BZW2: variants seen among roughly 807,000 people sequenced by gnomAD.
BZW2 encodes the protein eIF5-mimic protein 1.
In BZW2, 23 loss-of-function variants were observed where a neutral mutation model predicts 53.2. The ratio of observed to expected loss-of-function variants is 0.43; its 90% CI spans 0.31 to 0.61. The LOEUF (loss-of-function observed/expected upper bound fraction) is 0.61, where lower values mean the gene tolerates loss of function less well. BZW2 is among the 20% of genes least tolerant of loss of function. The pLI, the probability that BZW2 is intolerant of heterozygous loss-of-function variation, is 0.09. For missense variants in BZW2, 409 were observed against 503.1 expected, an observed-to-expected ratio of 0.81 and a Z score of 1.79; for synonymous variants, 227 against 186.4, an observed-to-expected ratio of 1.22 and a Z score of -1.77.
chr7:16,652,011 A>C (rs1174524723), intron 1 of BZW2, among the ~76,000 whole-genome samples: 2 of 152,192 alleles, frequency 1.3e-5, no homozygotes, highest in Non-Finnish European at 2.9e-5. Context: ...TGGAAAATGC[A>C]CTGAGTGGAG....
At chr7:16,665,569 T>G (rs1307554771) in intron 2 of BZW2, 68 bp downstream of exon 2, 1 of 1,577,748 alleles carries the variant, frequency 6.3e-7, no homozygotes, top group Non-Finnish European at 8.6e-7. Context: ...GAGAAGAATC[T>G]GAATGATCCC....
At chr7:16,696,253 AG>A in intron 8 of BZW2, among the ~76,000 whole-genome samples, 1 of 152,234 alleles carries the variant, frequency 6.6e-6, no homozygotes, top group Non-Finnish European at 1.5e-5. Context: ...AAAAGGAAAA[AG>A]CCTTTCAAAT....
chr7:16,681,228 G>C (rs1252258064), intron 3 of BZW2, 73 bp from the exon 4 acceptor site: 1 of 1,169,754 alleles, frequency 8.5e-7, no homozygotes, highest in African/African-American at 1.5e-5. Flanking sequence ...TCATTTGCCA[G>C]AATTGATGTG....
intron 6 of BZW2, among the ~76,000 whole-genome samples, chr7:16,687,721 A>G (rs7777674): frequency 0.012 from 1,898 of 152,182 alleles, 47 homozygotes; most frequent in African/African-American, 0.043. Context: ...ACTATCTAAA[A>G]TAAAAAAAAA....
chr7:16,655,480 T>C (rs1475870968), intron 1 of BZW2, among the ~76,000 whole-genome samples: 1 of 152,190 alleles, frequency 6.6e-6, no homozygotes, highest in Non-Finnish European at 1.5e-5. Flanking sequence ...TCAGGGTGAT[T>C]AGCATATTCA....
Position 16,706,266 on chromosome 7 carries a change from C to T in BZW2, c.*178C>T, listed in dbSNP as rs1783856031. ...TTTTGTTTTGTTTTTAAATGGAGCC[C>T]TGAGGCATCAGCTATTATACTTGGG... On this transcript the variant is annotated 3_prime_UTR_variant, in exon 12 of 12. Transcript: ENST00000258761. The T allele has an allele frequency of 1.6e-6, 1 of 642,054 alleles. No individual in the cohort carries two copies. The highest frequency in any genetic ancestry group is 2.1e-5 in the South Asian group (1 of 48,436). The allele number at this position is 642,054 out of a possible 1,614,324, so 39.8% of individuals were successfully genotyped here. A position where few individuals can be genotyped will look rare whatever the true frequency, so the allele number is the denominator to read the frequency against.
At chr7:16,667,858 A>G (rs1562481356) in intron 2 of BZW2, among the ~76,000 whole-genome samples, 1 of 152,188 alleles carries the variant, frequency 6.6e-6, no homozygotes, top group East Asian at 1.9e-4. Flanking sequence ...TTTAGTCCTC[A>G]TCTTACTCTT....
intron 1 of BZW2, among the ~76,000 whole-genome samples, chr7:16,652,561 G>T (rs922966799): frequency 6.6e-6 from 1 of 152,170 alleles, no homozygotes; most frequent in Non-Finnish European, 1.5e-5. Flanking sequence ...TTGTTGCCCA[G>T]TCTGGAGTGC....
At chr7:16,698,312 G>C in intron 10 of BZW2, 126 bp downstream of exon 10, 2 of 1,323,736 alleles carry the variant, frequency 1.5e-6, no homozygotes, top group Non-Finnish European at 1.1e-6. Context: ...ATGCTAATTT[G>C]TGAAAGTTTT....
chr7:16,686,332 A>C, intron 6 of BZW2: 2 of 304,654 alleles, frequency 6.6e-6, no homozygotes, highest in East Asian at 7.3e-5. Context: ...AATACCCCGA[A>C]ATCGATCTGG....
intron 10 of BZW2, among the ~76,000 whole-genome samples, chr7:16,702,842 G>C (rs1292323259): frequency 6.6e-6 from 1 of 152,112 alleles, no homozygotes; most frequent in Non-Finnish European, 1.5e-5. Flanking sequence ...TAGTTTAATA[G>C]TGCATGAATA....
chr7:16,705,579 G>A (rs2128372817), intron 11 of BZW2, among the ~76,000 whole-genome samples: 1 of 150,992 alleles, frequency 6.6e-6, no homozygotes, highest in South Asian at 2.1e-4. Context: ...CAGCTACTCG[G>A]GAGGCTGAGG....
chr7:16,689,894 C>T lies in BZW2; in HGVS notation c.639C>T (p.Asp213=), dbSNP rs758537627. The change falls in exon 7 of 12, where the codon GAC becomes GAT. Residue 213 remains aspartate, a synonymous_variant. Transcript: ENST00000258761. ...VTSSLRKANL[D]KRLLELFPVN... The stretch of plus-strand genomic sequence containing the variant: ...CGTCTTTGAGAAAAGCCAACTTAGA[C>T]AAGAGGCTGCTTGTAAGTGTTTTCT... 3 of 1,610,076 alleles carry T rather than the reference C, an allele frequency of 1.9e-6. No individual in the cohort carries two copies. In the South Asian group the frequency reaches 3.3e-5, roughly 18 times the overall value.
intron 4 of BZW2, 61 bp from the exon 5 acceptor site, chr7:16,682,719 C>T: frequency 9.3e-7 from 1 of 1,076,186 alleles, no homozygotes; most frequent in African/African-American, 1.6e-5. Context: ...TAGTGAGTTT[C>T]TATTACCTAC....
chr7:16,650,400 C>CA (rs201116543), intron 1 of BZW2, among the ~76,000 whole-genome samples: 332 of 149,552 alleles, frequency 2.2e-3, no homozygotes, highest in Middle Eastern at 0.021. Context: ...GAAGGCATTC[C>CA]AAAAAAAAAG....
rs774976750 is a variant in BZW2, at chr7:16,706,373, ACTC to A, written c.*291_*293del. ...AGATCTGAAATTAAATACTCAACAG[ACTC>A]CTCCTTTTTTAGCTGTATTTTTCAG... On this transcript the variant is annotated 3_prime_UTR_variant, in exon 12 of 12. Transcript: ENST00000258761. 6.1e-6 allele frequency: 2 copies of A among 329,326 alleles called. No individual in the cohort carries two copies. The highest frequency in any genetic ancestry group is 5.3e-5 in the East Asian group (1 of 18,806). 20.4% of individuals were successfully genotyped at this position (329,326 alleles called of 1,614,324 possible).
intron 4 of BZW2, among the ~76,000 whole-genome samples, chr7:16,682,285 C>T (rs916695962): frequency 6.6e-6 from 1 of 152,184 alleles, no homozygotes; most frequent in South Asian, 2.1e-4. Flanking sequence ...CAGTTGCAAA[C>T]TTTGCTTCAG....
At chr7:16,656,112 T>C (rs1782114477) in intron 1 of BZW2, among the ~76,000 whole-genome samples, 1 of 150,710 alleles carries the variant, frequency 6.6e-6, no homozygotes, top group African/African-American at 2.5e-5. Flanking sequence ...TATATACATA[T>C]ATATGTGTGT....
chr7:16,649,496 CAT>C (rs1446531710), intron 1 of BZW2, among the ~76,000 whole-genome samples: 4 of 152,154 alleles, frequency 2.6e-5, no homozygotes, highest in Non-Finnish European at 4.4e-5. Flanking sequence ...TTCTTGTGCA[CAT>C]GTTACAAATT....
Sources: allele counts gnomAD v4.1 joint callset (sites outside exome capture counted in the v4.1 genomes callset), GRCh38; gene constraint gnomAD v4.1.1; transcripts MANE v1.5; gene names NCBI Gene and HGNC (gene_info 2026-07-23, HGNC 2026-07-21).